The following KCNQ1 variants were observed in gnomAD, a reference collection of about 807,000 sequenced individuals.
KCNQ1 encodes potassium voltage-gated channel subfamily Q member 1, also known as potassium voltage-gated channel subfamily KQT member 1.
In KCNQ1, 49 loss-of-function variants were observed where a neutral mutation model predicts 72.4. That is an observed-to-expected ratio of 0.68 (90% confidence interval 0.54 to 0.86). KCNQ1 has a LOEUF of 0.86. KCNQ1 is among the 40% of genes least tolerant of loss of function. The pLI is 0.00. For missense variants in KCNQ1, 790 were observed against 945.1 expected (o/e 0.84, Z 2.15); for synonymous variants, 450 against 412.6 (o/e 1.09, Z -1.10).
intron 1 of KCNQ1, among the ~76,000 whole-genome samples, chr11:2,510,284 A>T (rs1304377348): frequency 2.0e-5 from 3 of 151,208 alleles, no homozygotes; most frequent in Non-Finnish European, 4.4e-5. Flanking sequence ...GTGTCTAAAA[A>T]AAAAAAATTT....
chr11:2,759,488 C>G lies in KCNQ1; in HGVS notation c.1515-9356C>G, dbSNP rs540573196. ...GGCCACTTAGAGGGTCCCCCAAGCT[C>G]GGGCCTTTGAAGACAGCTCTGTGTC... On this transcript the variant is annotated intron_variant, in intron 11 of 15. Transcript: ENST00000155840. This position sits in a 1 kb window ranked among gnomAD's most constrained non-coding sequence, Gnocchi z 4.4. Among the ~76,000 whole-genome samples the G allele has an allele frequency of 1.7e-4, 26 of 152,318 alleles. 1 individual carries two copies. The South Asian group carries it at 3.7e-3, about 22-fold the overall frequency.
rs75597897 is a variant in KCNQ1, at chr11:2,548,552, C to G, written c.477+20534C>G. 6.8e-3 allele frequency among the ~76,000 whole-genome samples: 1,041 copies of G among 152,302 alleles called. 9 individuals are homozygous for G. The highest frequency in any genetic ancestry group is 0.024 in the African/African-American group (988 of 41,542). On this transcript the variant is annotated intron_variant, in intron 2 of 15. Transcript: ENST00000155840. Reference sequence around the variant, plus strand: ...CCTAAGCTCTGGGGGTGGGGGGACACGTTTACGTGTCTGCAAACCGCTACA... The same window carrying G: ...CCTAAGCTCTGGGGGTGGGGGGACAGGTTTACGTGTCTGCAAACCGCTACA...
rs114032795 is a variant in KCNQ1 at position 2,677,196 on chromosome 11, C to T, written c.1514+15115C>T. 1,102 of 398,606 alleles carry T rather than the reference C, an allele frequency of 2.8e-3. 11 individuals are homozygous for T. Among genetic ancestry groups the T allele is most frequent in the African/African-American group, 0.016 (782 of 48,748 alleles). The allele number at this position is 398,606 out of a possible 1,614,324, so 24.7% of individuals were successfully genotyped here. On this transcript the variant is annotated intron_variant, in intron 11 of 15. Coordinates refer to ENST00000155840, the MANE Select transcript of KCNQ1 (RefSeq NM_000218.3). This position sits in a 1 kb window ranked among gnomAD's most constrained non-coding sequence, Gnocchi z 4.5. ...CCCTACTTGTATCTCTGCTGACTGACCTCTTTGGCTGTCTCTTGTCAACCA... is the reference window on the plus strand; with the variant it reads ...CCCTACTTGTATCTCTGCTGACTGATCTCTTTGGCTGTCTCTTGTCAACCA...
At chr11:2,833,234 A>ATAGCCCCTTC (rs1290851896) in intron 15 of KCNQ1, among the ~76,000 whole-genome samples, 2 of 152,154 alleles carry the variant, frequency 1.3e-5, no homozygotes, top group Non-Finnish European at 2.9e-5. Flanking sequence ...GGCAGAGGAC[A>ATAGCCCCTTC]TAGCCCCTTC....
rs1193717099 is a variant in KCNQ1, at chr11:2,566,710, A to C, written c.478-3918A>C. On this transcript the variant is annotated intron_variant, in intron 2 of 15. Transcript: ENST00000155840. This position sits in a 1 kb window ranked among gnomAD's most constrained non-coding sequence, Gnocchi z 6.7. ...TCTTCTTCTCGTATCTACGGGGCAG[A>C]GCTCAGGGCCGCACTCCATCAGCAT... Among the ~76,000 whole-genome samples the C allele has an allele frequency of 6.6e-6, 1 of 151,968 alleles. No individual in the cohort carries two copies. The highest frequency in any genetic ancestry group is 2.4e-5 in the African/African-American group (1 of 41,378).
rs1846643206 is a variant in KCNQ1 at position 2,481,081 on chromosome 11, C to T, written c.386+35597C>T. 6.6e-6 allele frequency among the ~76,000 whole-genome samples: 1 copy of T among 152,222 alleles called. No homozygotes were observed. Among genetic ancestry groups the T allele is most frequent in the Non-Finnish European group, 1.5e-5 (1 of 68,044 alleles). On this transcript the variant is annotated intron_variant, in intron 1 of 15. Transcript: ENST00000155840. The surrounding 1 kb of genome is among the most constrained non-coding windows in gnomAD (Gnocchi z 4.6). Reference sequence around the variant, plus strand: ...TTACCACATCATGTTGGATTTCACTCATAGCCACGAGAACGGGTGGTGGTC... The same window carrying T: ...TTACCACATCATGTTGGATTTCACTTATAGCCACGAGAACGGGTGGTGGTC...
intron 2 of KCNQ1, among the ~76,000 whole-genome samples, chr11:2,552,819 T>G (rs183991070): frequency 5.0e-5 from 7 of 139,532 alleles, no homozygotes; most frequent in South Asian, 2.3e-4. Context: ...CCACGAACAC[T>G]GTCTCGCTCC....
chr11:2,460,175 G>A (rs1838398164), intron 1 of KCNQ1, among the ~76,000 whole-genome samples: 1 of 152,188 alleles, frequency 6.6e-6, no homozygotes, highest in South Asian at 2.1e-4. Context: ...CTACCAGCCT[G>A]TGGCCCAGCT....
intron 3 of KCNQ1, among the ~76,000 whole-genome samples, chr11:2,570,998 C>T (rs368193239): frequency 2.6e-5 from 4 of 152,310 alleles, no homozygotes; most frequent in South Asian, 2.1e-4. Flanking sequence ...GCCTCACAGC[C>T]CAGCATAGCT....
rs538706410 is a variant in KCNQ1, at chr11:2,772,787, C to A, written c.1591-3173C>A. 2.4e-4 allele frequency among the ~76,000 whole-genome samples: 37 copies of A among 152,296 alleles called. No homozygotes were observed. The highest frequency in any genetic ancestry group is 8.9e-4 in the African/African-American group (37 of 41,578). Reference sequence around the variant, plus strand: ...CATCTGCAGAGGCTGCTAACACACACACCTACACCCACCTGGTCACAGTGG... The same window carrying A: ...CATCTGCAGAGGCTGCTAACACACAAACCTACACCCACCTGGTCACAGTGG... On this transcript the variant is annotated intron_variant, in intron 12 of 15. Coordinates refer to ENST00000155840, the MANE Select transcript of KCNQ1 (RefSeq NM_000218.3). This position sits in a 1 kb window ranked among gnomAD's most constrained non-coding sequence, Gnocchi z 6.6.
At position 2,803,060 on chromosome 11, in the gene KCNQ1, G is replaced by A. The variant is rs756926606; in HGVS notation, c.1794+25023G>A. ...GAGGTGACATGAAGGGAAGGTGGCA[G>A]GATGGGAGTGCCCATCAGCCGGAAG... On this transcript the variant is annotated intron_variant, in intron 15 of 15. Transcript: ENST00000155840. The surrounding 1 kb of genome is among the most constrained non-coding windows in gnomAD (Gnocchi z 6.4). Among the ~76,000 whole-genome samples the A allele has an allele frequency of 3.9e-5, 6 of 152,242 alleles. No individual in the cohort carries two copies. The highest frequency in any genetic ancestry group is 8.8e-5 in the Non-Finnish European group (6 of 68,038).
Position 2,641,462 on chromosome 11 carries a change from T to C in KCNQ1, c.1394-20499T>C, listed in dbSNP as rs80227704. The C allele has an allele frequency of 3.5e-4, 139 of 398,456 alleles. 5 individuals carry two copies. The South Asian group carries it at 0.016, about 46-fold the overall frequency. 24.7% of individuals were successfully genotyped at this position (398,456 alleles called of 1,614,324 possible). On this transcript the variant is annotated intron_variant, in intron 10 of 15. Transcript: ENST00000155840. ...TTTGAGAAATATCTATCCATGTCTT[T>C]TGCTCACTTTTTATTGGAATTAATT...
chr11:2,501,686 T>C (rs1292494891), intron 1 of KCNQ1, among the ~76,000 whole-genome samples: 1 of 126,588 alleles, frequency 7.9e-6, no homozygotes, highest in Non-Finnish European at 1.6e-5. Context: ...AGGCCCGTAT[T>C]ACCCTGTTAC....
rs199473480 is a variant in KCNQ1 at position 2,776,006 on chromosome 11, C to T, written c.1637C>T (p.Ser546Leu). The change falls in exon 13 of 16, where the codon TCG (serine) becomes TTG (leucine). Residue 546 changes from serine to leucine, a missense_variant. Around this residue, in one of 5 missense-constraint regions of KCNQ1, gnomAD observed 91 missense variants for 139.1 expected, o/e 0.65. Transcript: ENST00000155840. ...GTGCGGGACGTCATTGAGCAGTACT[C>T]GCAGGGCCACCTCAACCTCATGGTG... Reference protein sequence around the residue: ...YDVRDVIEQYSQGHLNLMVRI... With the variant: ...YDVRDVIEQYLQGHLNLMVRI... 3.2e-6 allele frequency: 5 copies of T among 1,573,990 alleles called. No homozygotes were observed. The highest frequency in any genetic ancestry group is 4.3e-6 in the Non-Finnish European group (5 of 1,160,064).
At chr11:2,722,661 G>A (rs549603586) in intron 11 of KCNQ1, among the ~76,000 whole-genome samples, 22 of 152,270 alleles carry the variant, frequency 1.4e-4, no homozygotes, top group African/African-American at 4.3e-4. Context: ...GTGGCGGACC[G>A]AGAGTGCTTC....
chr11:2,619,897 C>A, intron 10 of KCNQ1: 1 of 398,052 alleles, frequency 2.5e-6, no homozygotes, highest in South Asian at 1.3e-4. Context: ...ATGTACAGGT[C>A]TATATGTTGC....
intron 1 of KCNQ1, among the ~76,000 whole-genome samples, chr11:2,456,955 A>ACC (rs1448377460): frequency 1.9e-5 from 2 of 107,870 alleles, no homozygotes; most frequent in African/African-American, 4.7e-5. Context: ...AAAAAAAAAA[A>ACC]AAAAAAAAAA....
chr11:2,737,399 C>A (rs921146797), intron 11 of KCNQ1, among the ~76,000 whole-genome samples: 1 of 152,208 alleles, frequency 6.6e-6, no homozygotes, highest in Non-Finnish European at 1.5e-5. Context: ...CAGGCCCAGA[C>A]CCACGGGGGC....
chr11:2,643,173 T>G, intron 10 of KCNQ1: 1 of 398,318 alleles, frequency 2.5e-6, no homozygotes, highest in South Asian at 1.3e-4. Flanking sequence ...GTCTGTTAGG[T>G]CCATTTGGTA....
Sources: allele counts gnomAD v4.1 joint callset (sites outside exome capture counted in the v4.1 genomes callset), GRCh38; gene constraint gnomAD v4.1.1; regional missense constraint gnomAD v4.1.1; non-coding constraint Gnocchi (gnomAD v3.1); transcripts MANE v1.5; gene names NCBI Gene and HGNC (gene_info 2026-07-23, HGNC 2026-07-21).